Variants in CPED1 observed in about 807,000 individuals in gnomAD.
The protein encoded by CPED1 is cadherin like and PC-esterase domain containing 1, also known as cadherin-like and PC-esterase domain-containing protein 1.
A neutral mutation model predicts 128.2 loss-of-function variants in CPED1; 114 were observed. The observed-to-expected ratio is 0.89, with a 90% CI of 0.76 to 1.04. The LOEUF (loss-of-function observed/expected upper bound fraction) is 1.04. Among genes scored for constraint, CPED1 ranks in the 50% least tolerant of loss-of-function variants. The pLI is 0.00. For missense variants in CPED1, 1,211 were observed against 1,207.1 expected, an observed-to-expected ratio of 1.00 and a Z score of -0.05; for synonymous variants, 462 against 426.7, an observed-to-expected ratio of 1.08 and a Z score of -1.02.
chr7:121,172,961 A>C (rs1796688685), intron 16 of CPED1, among the ~76,000 whole-genome samples: 1 of 152,176 alleles, frequency 6.6e-6, no homozygotes, highest in Non-Finnish European at 1.5e-5. Context: ...TCTGAAGAAC[A>C]CATATCTACT....
chr7:121,231,325 C>T (rs1011276102), intron 16 of CPED1, among the ~76,000 whole-genome samples: 6 of 152,016 alleles, frequency 3.9e-5, no homozygotes, highest in African/African-American at 1.4e-4. Flanking sequence ...GCATGGTTGT[C>T]TTATTGTCAG....
intron 3 of CPED1, among the ~76,000 whole-genome samples, chr7:121,026,468 C>A (rs2721328): frequency 6.6e-6 from 1 of 152,124 alleles, no homozygotes; most frequent in African/African-American, 2.4e-5. Flanking sequence ...ACACATATTT[C>A]TTAATTAGGC....
chr7:121,102,535 A>C, intron 7 of CPED1, among the ~76,000 whole-genome samples: 1 of 152,136 alleles, frequency 6.6e-6, no homozygotes, highest in Middle Eastern at 3.2e-3. Flanking sequence ...GGGAGGAAGC[A>C]CATCTTCCTC....
intron 2 of CPED1, 22 bp downstream of exon 2, chr7:120,989,892 C>A (rs371277905): frequency 6.2e-7 from 1 of 1,612,264 alleles, no homozygotes; most frequent in South Asian, 1.1e-5. Context: ...ATAAGCTTAA[C>A]GGAGACAGTT....
chr7:121,185,835 T>C (rs570626848), intron 16 of CPED1, among the ~76,000 whole-genome samples: 60 of 152,334 alleles, frequency 3.9e-4, no homozygotes, highest in African/African-American at 1.4e-3. Context: ...TAACTGCGAT[T>C]CTCTGCTTAA....
intron 18 of CPED1, among the ~76,000 whole-genome samples, chr7:121,255,069 AT>A (rs1172544907): frequency 6.6e-6 from 1 of 152,130 alleles, no homozygotes; most frequent in Non-Finnish European, 1.5e-5. Context: ...TGAAGTTAGC[AT>A]CAGCCTGATA....
chr7:121,289,990 T>C, intron 22 of CPED1, among the ~76,000 whole-genome samples: 1 of 152,152 alleles, frequency 6.6e-6, no homozygotes, highest in East Asian at 1.9e-4. Context: ...CAGTGTGTGT[T>C]GTTCCCCTCC....
Position 121,140,959 on chromosome 7 carries a change from T to A in CPED1, c.1832T>A (p.Val611Glu), listed in dbSNP as rs1032213843. 15 of 1,612,382 alleles carry A rather than the reference T, an allele frequency of 9.3e-6. No homozygotes were observed. Among genetic ancestry groups the A allele is most frequent in the Non-Finnish European group, 1.3e-5 (15 of 1,179,156 alleles). ...GATGTGGTAACAGTGACAATTGGAG[T>A]GGAAACTCCTAAGTGTCTGTGCAAG... ...PFDVVTVTIGVETPKCLCKVH... is the reference protein window; with the variant it reads ...PFDVVTVTIGEETPKCLCKVH... Residue 611 changes from valine (V) to glutamate (E), a missense_variant, in exon 15 of 23, where the codon GTG becomes GAG. By Grantham distance (121) the Val-to-Glu change is moderately radical. Coordinates refer to ENST00000310396, the MANE Select transcript of CPED1 (RefSeq NM_024913.5).
intron 4 of CPED1, among the ~76,000 whole-genome samples, chr7:121,053,318 T>A (rs1011295701): frequency 6.6e-6 from 1 of 152,198 alleles, no homozygotes; most frequent in Non-Finnish European, 1.5e-5. Flanking sequence ...GATGCAATTT[T>A]TTTTTTCTTT....
At chr7:121,037,413 T>C (rs1792923299) in intron 3 of CPED1, among the ~76,000 whole-genome samples, 2 of 152,166 alleles carry the variant, frequency 1.3e-5, no homozygotes, top group African/African-American at 4.8e-5. Flanking sequence ...CCACACTTTA[T>C]GTTTTTGTTT....
At chr7:121,099,653 A>AC (rs1794792528) in intron 6 of CPED1, among the ~76,000 whole-genome samples, 2 of 152,208 alleles carry the variant, frequency 1.3e-5, no homozygotes, top group Admixed American at 6.5e-5. Context: ...GGCATAAGTC[A>AC]CTACGCTCAG....
chr7:121,147,426 A>T (rs912232468), intron 16 of CPED1, among the ~76,000 whole-genome samples: 3 of 152,152 alleles, frequency 2.0e-5, no homozygotes, highest in African/African-American at 7.2e-5. Context: ...TAAACAGTAT[A>T]ATGTTTTGCT....
intron 16 of CPED1, among the ~76,000 whole-genome samples, chr7:121,187,712 T>A (rs1007151149): frequency 6.6e-6 from 1 of 152,128 alleles, no homozygotes; most frequent in Non-Finnish European, 1.5e-5. Context: ...ATAGAAGAGT[T>A]GAGAAGCAAA....
At chr7:121,155,573 A>G (rs1351230672) in intron 16 of CPED1, among the ~76,000 whole-genome samples, 1 of 152,200 alleles carries the variant, frequency 6.6e-6, no homozygotes, top group East Asian at 1.9e-4. Flanking sequence ...CAGCCAATTC[A>G]CTTTCACTTA....
chr7:121,091,081 T>A (rs941985168), intron 5 of CPED1, among the ~76,000 whole-genome samples: 1 of 152,200 alleles, frequency 6.6e-6, no homozygotes, highest in African/African-American at 2.4e-5. Context: ...ATCTGTTGAC[T>A]ACAAGCTATT....
At chr7:121,239,742 G>A (rs552226548) in intron 17 of CPED1, among the ~76,000 whole-genome samples, 14 of 152,058 alleles carry the variant, frequency 9.2e-5, no homozygotes, top group East Asian at 1.9e-4. Context: ...TTTTTCCTCC[G>A]TTGTATCATT....
intron 2 of CPED1, chr7:120,993,963 C>G (rs1435057513): frequency 3.0e-6 from 1 of 330,402 alleles, no homozygotes; most frequent in Admixed American, 3.2e-5. Context: ...GGGGGTCGTC[C>G]TGCAGGTGCA....
chr7:121,122,474 T>A (rs1795414469), intron 7 of CPED1, among the ~76,000 whole-genome samples: 1 of 152,046 alleles, frequency 6.6e-6, no homozygotes, highest in African/African-American at 2.4e-5. Flanking sequence ...TAAAAGGAGC[T>A]GACATGTACT....
chr7:121,039,813 A>G (rs1429583721), intron 3 of CPED1, among the ~76,000 whole-genome samples: 2 of 152,050 alleles, frequency 1.3e-5, no homozygotes, highest in Non-Finnish European at 2.9e-5. Flanking sequence ...ACAAAAGTAA[A>G]CTCATTGATT....
Sources: gnomAD v4.1 joint callset for allele counts (sites outside exome capture counted in the v4.1 genomes callset) on GRCh38, gnomAD v4.1.1 for gene constraint, MANE v1.5 for transcripts, NCBI Gene and HGNC (gene_info 2026-07-23, HGNC 2026-07-21) for gene names.